NXNL2: variants seen among roughly 807,000 people sequenced by gnomAD.
NXNL2 encodes the protein nucleoredoxin-like protein 2.
In NXNL2, 7 loss-of-function variants were observed where a neutral mutation model predicts 11.1. That is an observed-to-expected ratio of 0.63 (90% CI 0.36 to 1.18). The LOEUF is 1.18. Ranked by LOEUF, NXNL2 falls within the 50% of genes most tolerant of loss-of-function variation. The pLI, the probability that NXNL2 is intolerant of heterozygous loss-of-function variation, is 0.02. For missense variants in NXNL2, 233 were observed against 217.7 expected (o/e 1.07, Z -0.44); for synonymous variants, 109 against 101.8 (o/e 1.07, Z -0.42).
intron 1 of NXNL2, among the ~76,000 whole-genome samples, chr9:88,569,779 T>C (rs1830231449): frequency 6.6e-6 from 1 of 152,252 alleles, no homozygotes; most frequent in South Asian, 2.1e-4. Flanking sequence ...ATTTGAATTT[T>C]CCTTGCATTC....
chr9:88,550,617 G>C (rs887964475), intron 1 of NXNL2, among the ~76,000 whole-genome samples: 1 of 152,220 alleles, frequency 6.6e-6, no homozygotes, highest in African/African-American at 2.4e-5. Flanking sequence ...TTTCTGACTT[G>C]TTATTGGTTA....
At chr9:88,563,492 G>GC (rs1307350661) in intron 1 of NXNL2, among the ~76,000 whole-genome samples, 1 of 152,080 alleles carries the variant, frequency 6.6e-6, no homozygotes, top group Non-Finnish European at 1.5e-5. Flanking sequence ...CCCTCCTTGC[G>GC]CCCCTCAGCC....
intron 1 of NXNL2, among the ~76,000 whole-genome samples, chr9:88,564,285 T>TCTATCATCTATC (rs1554706562): frequency 6.1e-4 from 85 of 140,258 alleles, no homozygotes; most frequent in African/African-American, 2.3e-3. Flanking sequence ...TATCTATCTA[T>TCTATCATCTATC]TATCTATCTA....
intron 1 of NXNL2, among the ~76,000 whole-genome samples, chr9:88,570,125 A>G (rs796733730): frequency 2.7e-5 from 4 of 150,236 alleles, no homozygotes; most frequent in African/African-American, 9.8e-5. Context: ...TTTTATTTTT[A>G]TTTTTATTTT....
At chr9:88,562,197 T>C (rs909958160) in intron 1 of NXNL2, among the ~76,000 whole-genome samples, 1 of 152,170 alleles carries the variant, frequency 6.6e-6, no homozygotes, top group African/African-American at 2.4e-5. Flanking sequence ...ATACTGTATG[T>C]TTCCATTGAT....
intron 2 of NXNL2, chr9:88,575,051 C>A: frequency 1.4e-6 from 1 of 703,848 alleles, no homozygotes; most frequent in Non-Finnish European, 1.7e-6. Context: ...AAAGATCTGG[C>A]ACTAAGCTCA....
Position 88,535,699 on chromosome 9 carries a change from G to A in NXNL2, c.265G>A (p.Ala89Thr). The stretch of plus-strand genomic sequence containing the variant: ...GGACTTCATGCGCGAGCTGCATGGC[G>A]CCTGGCTGGCGCTGCCCTTCCACGA... ...MLDFMRELHG[A>T]WLALPFHDPY... is the part of the protein sequence containing the mutation. The change falls in exon 1 of 2, where the codon GCC (alanine) becomes ACC (threonine). Residue 89 changes from alanine (A) to threonine (T), a missense_variant. Ala to Thr is a moderately conservative substitution (Grantham distance 58). Coordinates refer to ENST00000375854, the MANE Select transcript of NXNL2 (RefSeq NM_001161625.2). 6.3e-7 allele frequency: 1 copy of A among 1,597,398 alleles called. No individual in the cohort carries two copies. Among genetic ancestry groups the A allele is most frequent in the Non-Finnish European group, 8.5e-7 (1 of 1,175,300 alleles).
At chr9:88,565,376 AGAAGTAGGATTGCTG>A (rs1326916844) in intron 1 of NXNL2, among the ~76,000 whole-genome samples, 2 of 152,166 alleles carry the variant, frequency 1.3e-5, no homozygotes, top group Non-Finnish European at 2.9e-5. Context: ...ATAAATACCA[AGAAGTAGGATTGCTG>A]GATCATATGA....
chr9:88,571,146 A>G (rs777422642), exon 2 of NXNL2: 1 of 366,972 alleles, frequency 2.7e-6, no homozygotes, highest in South Asian at 2.0e-5. Flanking sequence ...GCTCACTGCA[A>G]CCTTTGCCTC....
chr9:88,564,285 T>TCATCTATC (rs1554706562), intron 1 of NXNL2, among the ~76,000 whole-genome samples: 202 of 140,250 alleles, frequency 1.4e-3, no homozygotes, highest in Middle Eastern at 0.011. Context: ...TATCTATCTA[T>TCATCTATC]TATCTATCTA....
chr9:88,564,385 C>T (rs977076986), intron 1 of NXNL2, among the ~76,000 whole-genome samples: 3 of 151,228 alleles, frequency 2.0e-5, no homozygotes, highest in African/African-American at 7.3e-5. Context: ...TATATATGTA[C>T]AATGTATGTA....
intron 1 of NXNL2, among the ~76,000 whole-genome samples, chr9:88,565,390 T>TG (rs1409671539): frequency 6.6e-6 from 1 of 152,232 alleles, no homozygotes; most frequent in Non-Finnish European, 1.5e-5. Flanking sequence ...GTAGGATTGC[T>TG]GGATCATATG....
At chr9:88,547,478 A>G (rs55680213), downstream of NXNL2, among the ~76,000 whole-genome samples, 1 of 152,218 alleles carries the variant, frequency 6.6e-6, no homozygotes, top group East Asian at 1.9e-4. Context: ...TCCTAGAGAA[A>G]GGAAGAAGAG....
chr9:88,540,508 G>A (rs539857410), intron 1 of NXNL2, among the ~76,000 whole-genome samples: 1 of 152,216 alleles, frequency 6.6e-6, no homozygotes, highest in African/African-American at 2.4e-5. Flanking sequence ...GAAGGAGTTG[G>A]TGTCCCCTAA....
At chr9:88,551,435 G>T (rs1829930028) in intron 1 of NXNL2, among the ~76,000 whole-genome samples, 1 of 151,954 alleles carries the variant, frequency 6.6e-6, no homozygotes, top group Non-Finnish European at 1.5e-5. Context: ...CTGCTATCAT[G>T]ATTTTAATAC....
chr9:88,546,918 T>C (rs1350521194), downstream of NXNL2, among the ~76,000 whole-genome samples: 1 of 152,172 alleles, frequency 6.6e-6, no homozygotes, highest in Non-Finnish European at 1.5e-5. Flanking sequence ...CCATGATGGA[T>C]GTTTTAGTCC....
intron 1 of NXNL2, among the ~76,000 whole-genome samples, chr9:88,550,363 A>G (rs992338592): frequency 6.6e-6 from 1 of 152,204 alleles, no homozygotes; most frequent in Non-Finnish European, 1.5e-5. Flanking sequence ...GCAAAGCTAA[A>G]CACTAACATG....
intron 1 of NXNL2, among the ~76,000 whole-genome samples, chr9:88,551,459 T>C (rs1399294646): frequency 6.6e-6 from 1 of 152,200 alleles, no homozygotes; most frequent in Non-Finnish European, 1.5e-5. Context: ...TAAAGAGTTC[T>C]TTGTTGTCTG....
downstream of NXNL2, among the ~76,000 whole-genome samples, chr9:88,577,534 C>G (rs1292013874): frequency 4.6e-5 from 7 of 151,920 alleles, no homozygotes; most frequent in Non-Finnish European, 7.4e-5. Flanking sequence ...TAGGTGCTGT[C>G]AAATCTGGTT....
Sources: allele counts gnomAD v4.1 joint callset (sites outside exome capture counted in the v4.1 genomes callset), GRCh38; gene constraint gnomAD v4.1.1; transcripts MANE v1.5; gene names NCBI Gene and HGNC (gene_info 2026-07-23, HGNC 2026-07-21).